Variants in CDIN1 observed in about 807,000 individuals in gnomAD.
The protein encoded by CDIN1 is CDAN1-interacting nuclease 1.
In CDIN1, 33 loss-of-function variants were observed where a neutral mutation model predicts 45.3. The ratio of observed to expected loss-of-function variants is 0.73; its 90% CI spans 0.55 to 0.97. The LOEUF is 0.97. CDIN1 is among the 50% of genes least tolerant of loss of function. The probability of loss-of-function intolerance (pLI) is 0.00; values close to 1 mark genes in which losing one functional copy is unlikely to be tolerated. For synonymous variants in CDIN1, 118 were observed against 124.4 expected (o/e 0.95, Z 0.34); for missense variants, 303 against 339.4 (o/e 0.89, Z 0.84).
At chr15:36,650,946 T>G (rs1297664179) in intron 3 of CDIN1, among the ~76,000 whole-genome samples, 1 of 151,784 alleles carries the variant, frequency 6.6e-6, no homozygotes, top group Non-Finnish European at 1.5e-5. Context: ...TCCTGTAGTC[T>G]CAGCTACTTG....
intron 1 of CDIN1, chr15:36,619,220 C>T (rs763568473): frequency 3.0e-6 from 4 of 1,320,580 alleles, no homozygotes; most frequent in African/African-American, 1.5e-5. Context: ...CAGGGAGTGA[C>T]ATGACGTAAT....
chr15:36,686,736 A>AAG (rs948637567), intron 5 of CDIN1, among the ~76,000 whole-genome samples: 2 of 149,406 alleles, frequency 1.3e-5, no homozygotes, highest in African/African-American at 2.5e-5. Flanking sequence ...ACAAGAAAGA[A>AAG]AGAGAGAGAG....
intron 10 of CDIN1, among the ~76,000 whole-genome samples, chr15:36,714,284 C>T (rs2043150037): frequency 6.6e-6 from 1 of 152,060 alleles, no homozygotes; most frequent in East Asian, 1.9e-4. Context: ...ATGACAAATG[C>T]ACTTTATAAA....
intron 6 of CDIN1, 88 bp downstream of exon 6, chr15:36,691,852 A>T: frequency 1.9e-6 from 2 of 1,032,316 alleles, no homozygotes; most frequent in South Asian, 2.9e-5. Context: ...AATTACTGTC[A>T]TCATAAACTA....
chr15:36,734,939 A>G (rs929471835), intron 10 of CDIN1, among the ~76,000 whole-genome samples: 3 of 152,212 alleles, frequency 2.0e-5, no homozygotes, highest in African/African-American at 7.2e-5. Flanking sequence ...TGAACACTAG[A>G]TACATAGTAC....
At chr15:36,665,657 A>G (rs938411203) in intron 5 of CDIN1, among the ~76,000 whole-genome samples, 2 of 144,488 alleles carry the variant, frequency 1.4e-5, no homozygotes, top group African/African-American at 5.1e-5. Context: ...TTGATGACCT[A>G]TGTTGCTTCA....
intron 5 of CDIN1, among the ~76,000 whole-genome samples, chr15:36,686,630 A>C (rs973041460): frequency 3.3e-5 from 5 of 151,730 alleles, no homozygotes; most frequent in African/African-American, 1.2e-4. Context: ...TTGTAATCTC[A>C]GCACTTTCGG....
At chr15:36,657,233 A>G (rs974378296) in intron 4 of CDIN1, among the ~76,000 whole-genome samples, 1 of 152,102 alleles carries the variant, frequency 6.6e-6, no homozygotes, top group African/African-American at 2.4e-5. Context: ...TGCAGATATT[A>G]TATTGTTGTA....
intron 8 of CDIN1, chr15:36,705,888 T>A (rs1251681720): frequency 6.6e-6 from 1 of 152,182 alleles, no homozygotes; most frequent in Non-Finnish European, 1.5e-5. Context: ...TTTGTGGAAG[T>A]CATACTAAAA....
chr15:36,754,482 A>G (rs1379993818), intron 10 of CDIN1, among the ~76,000 whole-genome samples: 1 of 147,888 alleles, frequency 6.8e-6, no homozygotes, highest in East Asian at 2.1e-4. Flanking sequence ...TGGGGCAGCT[A>G]TTGGGCATGC....
chr15:36,748,301 C>T (rs142937165), intron 10 of CDIN1, among the ~76,000 whole-genome samples: 14 of 152,320 alleles, frequency 9.2e-5, no homozygotes, highest in Admixed American at 3.3e-4. Flanking sequence ...TAAATAGATA[C>T]GGGATGAGAT....
intron 8 of CDIN1, among the ~76,000 whole-genome samples, chr15:36,703,022 A>G (rs953736005): frequency 6.7e-5 from 10 of 149,066 alleles, no homozygotes; most frequent in African/African-American, 2.5e-4. Context: ...GCAACATAGC[A>G]AGACTCCCCG....
chr15:36,583,356 C>G (rs1441868653), intron 1 of CDIN1, among the ~76,000 whole-genome samples: 1 of 151,888 alleles, frequency 6.6e-6, no homozygotes, highest in Non-Finnish European at 1.5e-5. Context: ...TTAATTTTTC[C>G]TCTTACTGTG....
At position 36,791,978 on chromosome 15, in the gene CDIN1, T is replaced by C. The variant is rs559232675; in HGVS notation, c.717-16346T>C. ...TCAGGCCCTAAAAATAAACACATATTAATCAGCTAATGGCAGCACGCGCAG... is the reference window on the plus strand; with the variant it reads ...TCAGGCCCTAAAAATAAACACATATCAATCAGCTAATGGCAGCACGCGCAG... On this transcript the variant is annotated intron_variant, in intron 10 of 10. Transcript: ENST00000566621. 6.6e-4 allele frequency among the ~76,000 whole-genome samples: 101 copies of C among 152,310 alleles called. 2 individuals are homozygous for C. In the South Asian group the frequency reaches 0.018, roughly 27 times the overall value.
chr15:36,802,556 A>G (rs1333548609), intron 10 of CDIN1, among the ~76,000 whole-genome samples: 1 of 152,194 alleles, frequency 6.6e-6, no homozygotes, highest in African/African-American at 2.4e-5. Flanking sequence ...AAGTATAACA[A>G]TAGGAAGTTA....
intron 1 of CDIN1, chr15:36,613,523 C>G: frequency 1.3e-6 from 2 of 1,535,120 alleles, no homozygotes; most frequent in Non-Finnish European, 1.8e-6. Context: ...CCAGGTTGTG[C>G]AGCAGCAGGC....
chr15:36,697,054 G>A (rs916377687), intron 7 of CDIN1, among the ~76,000 whole-genome samples: 2 of 151,466 alleles, frequency 1.3e-5, no homozygotes, highest in African/African-American at 4.9e-5. Context: ...GAGCCCAGGA[G>A]TTCAAGGTTA....
chr15:36,607,402 G>C (rs1273191079), intron 1 of CDIN1, among the ~76,000 whole-genome samples: 2 of 152,296 alleles, frequency 1.3e-5, no homozygotes, highest in Non-Finnish European at 2.9e-5. Flanking sequence ...AAAATAAGCT[G>C]TGAGAAATAC....
intron 4 of CDIN1, among the ~76,000 whole-genome samples, chr15:36,654,827 C>A (rs2040717698): frequency 6.6e-6 from 1 of 152,098 alleles, no homozygotes; most frequent in South Asian, 2.1e-4. Flanking sequence ...ATAATAGTTG[C>A]AGAGAGCATA....
Sources: gnomAD v4.1 joint callset for allele counts (sites outside exome capture counted in the v4.1 genomes callset) on GRCh38, gnomAD v4.1.1 for gene constraint, MANE v1.5 for transcripts, NCBI Gene and HGNC (gene_info 2026-07-23, HGNC 2026-07-21) for gene names.